The following PTPRN2 variants were observed in gnomAD, a reference collection of about 807,000 sequenced individuals.
PTPRN2 encodes the protein protein tyrosine phosphatase receptor type N2.
A neutral mutation model predicts 118.8 loss-of-function variants in PTPRN2; 74 were observed. The ratio of observed to expected loss-of-function variants is 0.62; its 90% confidence interval spans 0.52 to 0.76. PTPRN2 has a LOEUF of 0.76. Among genes scored for constraint, PTPRN2 ranks in the 30% least tolerant of loss-of-function variants. PTPRN2 has a pLI of 0.00. For missense variants in PTPRN2, 1,481 were observed against 1,394.4 expected (o/e 1.06, Z -0.99); for synonymous variants, 641 against 608.0 (o/e 1.05, Z -0.80).
At chr7:157,633,151 T>A (rs1037905831) in intron 14 of PTPRN2, among the ~76,000 whole-genome samples, 1 of 151,674 alleles carries the variant, frequency 6.6e-6, no homozygotes, top group Admixed American at 6.6e-5. Flanking sequence ...TTTCTTTTTT[T>A]TTTTTTTGAG....
chr7:158,269,050 T>A (rs553994438), intron 3 of PTPRN2, among the ~76,000 whole-genome samples: 2 of 152,306 alleles, frequency 1.3e-5, no homozygotes, highest in Non-Finnish European at 2.9e-5. Flanking sequence ...AGGAAGGACG[T>A]GGCGGCTGCT....
chr7:157,730,768 G>T (rs922269485), intron 12 of PTPRN2, among the ~76,000 whole-genome samples: 3 of 152,174 alleles, frequency 2.0e-5, no homozygotes, highest in Non-Finnish European at 2.9e-5. Context: ...CGCTACAGAG[G>T]CGTTCTGTGG....
chr7:157,654,968 A>G (rs1053359367), intron 14 of PTPRN2, among the ~76,000 whole-genome samples: 4 of 152,194 alleles, frequency 2.6e-5, no homozygotes, highest in African/African-American at 9.7e-5. Flanking sequence ...AAAGGGACAA[A>G]TGTCAAAACA....
At chr7:158,178,061 G>A (rs1824369632) in intron 5 of PTPRN2, among the ~76,000 whole-genome samples, 1 of 152,078 alleles carries the variant, frequency 6.6e-6, no homozygotes, top group East Asian at 1.9e-4. Flanking sequence ...TTAAATTTTA[G>A]CCATTCTTAT....
At chr7:157,695,845 C>T (rs973699834) in intron 12 of PTPRN2, among the ~76,000 whole-genome samples, 5 of 152,100 alleles carry the variant, frequency 3.3e-5, no homozygotes, top group African/African-American at 9.7e-5. Flanking sequence ...ACCGTCTACC[C>T]GTGCATACTG....
rs1321468464 is a variant in PTPRN2, at chr7:157,596,002, C to T, written c.2419-687G>A. 6.6e-6 allele frequency among the ~76,000 whole-genome samples: 1 copy of T among 152,208 alleles called. No individual in the cohort carries two copies. The highest frequency in any genetic ancestry group is 1.5e-5 in the Non-Finnish European group (1 of 68,024). ...GAGCTTTCCAGCCTGCAAGTGACCC[C>T]AGAGCTTCCTGGCCACGGAGCCCAC... On this transcript the variant is annotated intron_variant, in intron 16 of 22. Coordinates refer to ENST00000389418, the MANE Select transcript of PTPRN2 (RefSeq NM_002847.5). This position sits in a 1 kb window ranked among gnomAD's most constrained non-coding sequence, Gnocchi z 4.2.
At chr7:157,853,516 G>A (rs1809448627) in intron 12 of PTPRN2, among the ~76,000 whole-genome samples, 1 of 151,342 alleles carries the variant, frequency 6.6e-6, no homozygotes, top group Non-Finnish European at 1.5e-5. Context: ...GAAGAGAAAA[G>A]TCCCAAAATC....
At chr7:157,820,366 G>A (rs542815800) in intron 12 of PTPRN2, among the ~76,000 whole-genome samples, 1 of 140,392 alleles carries the variant, frequency 7.1e-6, no homozygotes, top group African/African-American at 2.7e-5. Context: ...CATGCACACA[G>A]CAGACCCATA....
intron 12 of PTPRN2, among the ~76,000 whole-genome samples, chr7:157,772,552 TCCCGGAA>T (rs1802944561): frequency 6.6e-6 from 1 of 152,168 alleles, no homozygotes; most frequent in Non-Finnish European, 1.5e-5. Flanking sequence ...CAGCTCCTGC[TCCCGGAA>T]CCGCCTGTGA....
chr7:157,704,550 C>T (rs1426980684), intron 12 of PTPRN2, among the ~76,000 whole-genome samples: 2 of 152,208 alleles, frequency 1.3e-5, no homozygotes, highest in Non-Finnish European at 2.9e-5. Context: ...CCCGCCCTGC[C>T]CCATGCTGCT....
chr7:158,406,107 C>A (rs1242644317), intron 2 of PTPRN2, among the ~76,000 whole-genome samples: 2 of 88,896 alleles, frequency 2.2e-5, no homozygotes, highest in Admixed American at 9.7e-5. Context: ...TGGCCGCACA[C>A]TGAGATCCCG....
intron 22 of PTPRN2, among the ~76,000 whole-genome samples, chr7:157,544,954 ATG>A (rs140478090): frequency 0.44 from 59,669 of 135,742 alleles, 12,731 homozygotes; most frequent in Middle Eastern, 0.62. Context: ...GGGTGTGTGG[ATG>A]TGTGTGGGGG....
intron 2 of PTPRN2, among the ~76,000 whole-genome samples, chr7:158,456,001 C>A (rs938575757): frequency 3.3e-5 from 5 of 151,122 alleles, no homozygotes; most frequent in Non-Finnish European, 5.9e-5. Context: ...CATTGCTCTG[C>A]AGAGAACATA....
intron 11 of PTPRN2, among the ~76,000 whole-genome samples, chr7:158,057,107 A>G (rs553451813): frequency 1.3e-5 from 2 of 152,364 alleles, no homozygotes; most frequent in East Asian, 3.9e-4. Context: ...GATTCCGCTC[A>G]GCACCTGTGG....
At chr7:158,354,013 C>T (rs1015505382) in intron 2 of PTPRN2, among the ~76,000 whole-genome samples, 3 of 152,206 alleles carry the variant, frequency 2.0e-5, no homozygotes, top group Non-Finnish European at 4.4e-5. Flanking sequence ...CCACTCGCAG[C>T]CCCACGCTGC....
intron 2 of PTPRN2, among the ~76,000 whole-genome samples, chr7:158,344,713 T>G (rs1053673241): frequency 6.6e-6 from 1 of 151,790 alleles, no homozygotes; most frequent in Non-Finnish European, 1.5e-5. Flanking sequence ...AGCTCAGTCC[T>G]GACAGAAATG....
At chr7:157,612,347 G>T (rs905464979) in intron 15 of PTPRN2, among the ~76,000 whole-genome samples, 2 of 152,226 alleles carry the variant, frequency 1.3e-5, no homozygotes, top group African/African-American at 4.8e-5. Flanking sequence ...CCGAGAGGCC[G>T]TCCATCGACA....
chr7:158,542,913 G>A (rs1372706480), intron 1 of PTPRN2, among the ~76,000 whole-genome samples: 1 of 152,144 alleles, frequency 6.6e-6, no homozygotes, highest in East Asian at 1.9e-4. Context: ...GCTCCAAAGG[G>A]CATCAGGAGA....
At chr7:158,372,395 C>T (rs545623583) in intron 2 of PTPRN2, among the ~76,000 whole-genome samples, 2 of 147,964 alleles carry the variant, frequency 1.4e-5, no homozygotes, top group South Asian at 2.2e-4. Flanking sequence ...CTCCCCAATG[C>T]TGGTCCCCAG....
Sources: gnomAD v4.1 joint callset for allele counts (sites outside exome capture counted in the v4.1 genomes callset) on GRCh38, gnomAD v4.1.1 for gene constraint, Gnocchi (gnomAD v3.1) non-coding constraint, MANE v1.5 for transcripts, NCBI Gene and HGNC (gene_info 2026-07-23, HGNC 2026-07-21) for gene names.